ZNF793: variants seen among roughly 807,000 people sequenced by gnomAD.
ZNF793 encodes the protein zinc finger protein 793.
ZNF793 carries 5 observed loss-of-function variants against 12.4 expected under a neutral mutation model. That is an observed-to-expected ratio of 0.40 (90% CI 0.21 to 0.84). The LOEUF is 0.84. Ranked by LOEUF, ZNF793 falls within the 40% of genes least tolerant of loss-of-function variation. ZNF793 has a pLI of 0.35. For missense variants in ZNF793, 456 were observed against 495.0 expected (o/e 0.92, Z 0.75); for synonymous variants, 162 against 172.4 (o/e 0.94, Z 0.47).
At position 37,532,375 on chromosome 19, in the gene ZNF793, A is replaced by C; in HGVS notation, c.35A>C (p.Asp12Ala). The C allele has an allele frequency of 6.2e-7, 1 of 1,614,036 alleles. No homozygotes were observed. Among genetic ancestry groups the C allele is most frequent in the Non-Finnish European group, 8.5e-7 (1 of 1,179,968 alleles). ...CAACAGATACCTGTGTCATTCAAAG[A>C]TGTGGTTGTGGGCTTCACCCAAGAG... Reference protein sequence around the residue: ...IEYQIPVSFKDVVVGFTQEEW... With the variant: ...IEYQIPVSFKAVVVGFTQEEW... Residue 12 changes from aspartate (D) to alanine (A), a missense_variant, in exon 6 of 8, where the codon GAT (aspartate) becomes GCT (alanine). Asp to Ala is a moderately radical substitution (Grantham distance 126). Transcript: ENST00000627814.
intron 5 of ZNF793, 55 bp downstream of exon 5, chr19:37,523,509 G>GA: frequency 3.2e-6 from 5 of 1,539,686 alleles, no homozygotes; most frequent in Non-Finnish European, 4.5e-6. Flanking sequence ...TGTCCTAGAG[G>GA]AAAAAAAGGG....
upstream of ZNF793, chr19:37,506,808 G>A (rs536389498): frequency 1.3e-5 from 2 of 152,230 alleles, no homozygotes; most frequent in Non-Finnish European, 2.9e-5. Context: ...GGCCGCCCCA[G>A]GTAGGAGTCA....
rs2042555571 is a variant in ZNF793 at position 37,542,076 on chromosome 19, A to G, written c.*4197A>G. 6.5e-6 allele frequency: 1 copy of G among 153,598 alleles called. No homozygotes were observed. The highest frequency in any genetic ancestry group is 6.4e-5 in the Admixed American group (1 of 15,604). The allele number at this position is 153,598 out of a possible 1,614,324, so 9.5% of individuals were successfully genotyped here. A position where few individuals can be genotyped will look rare whatever the true frequency, so the allele number is the denominator to read the frequency against. ...GAAATAAATTTTGAAAAACAATGCA[A>G]ATTACTGTTTTGGAAAGAAATCTGG... On this transcript the variant is annotated 3_prime_UTR_variant, in exon 8 of 8. Coordinates refer to ENST00000627814, the MANE Select transcript of ZNF793 (RefSeq NM_001013659.3).
chr19:37,537,566 G>A lies in ZNF793; in HGVS notation c.908G>A (p.Arg303Lys). Reference sequence around the variant, plus strand: ...AAGTCACACCGCACAGAACATCAGAGAACACACACAGGAGAGAGACCCTTT... The same window carrying A: ...AAGTCACACCGCACAGAACATCAGAAAACACACACAGGAGAGAGACCCTTT... ...TQKSHRTEHQ[R>K]THTGERPFVC... Residue 303 changes from arginine to lysine, a missense_variant, in exon 8 of 8, where the codon AGA (arginine) becomes AAA (lysine). Transcript: ENST00000627814. The A allele has an allele frequency of 1.2e-6, 2 of 1,614,158 alleles. No homozygotes were observed. Among genetic ancestry groups the A allele is most frequent in the South Asian group, 2.2e-5 (2 of 91,080 alleles).
In ZNF793 at chr19:37,514,284, A is replaced by G. The variant is rs778821392; in HGVS notation, c.-276+5881A>G. 4.5e-4 allele frequency among the ~76,000 whole-genome samples: 68 copies of G among 152,232 alleles called. 1 individual carries two copies. Among genetic ancestry groups the G allele is most frequent in the Admixed American group, 3.3e-3 (50 of 15,282 alleles). On this transcript the variant is annotated intron_variant, in intron 2 of 7. Coordinates refer to ENST00000627814, the MANE Select transcript of ZNF793 (RefSeq NM_001013659.3). ...TGTCCACCATCTCAACTATCAGGTT[A>G]GATAGGTCAATTGGTGATTTCTTAT... is the stretch of plus-strand genomic sequence containing the variant.
intron 5 of ZNF793, among the ~76,000 whole-genome samples, chr19:37,528,213 A>C (rs1395582799): frequency 6.6e-6 from 1 of 152,070 alleles, no homozygotes; most frequent in African/African-American, 2.4e-5. Context: ...CACACATAGA[A>C]CTTCTGTCCT....
chr19:37,519,136 G>T (rs1385511246), intron 2 of ZNF793, among the ~76,000 whole-genome samples: 3 of 152,052 alleles, frequency 2.0e-5, no homozygotes, highest in Non-Finnish European at 4.4e-5. Context: ...CGTGGTGGCA[G>T]GTGCCTGTAG....
intron 2 of ZNF793, among the ~76,000 whole-genome samples, chr19:37,512,469 C>G (rs1030748697): frequency 6.6e-6 from 1 of 152,010 alleles, no homozygotes; most frequent in Non-Finnish European, 1.5e-5. Context: ...GAGCCGAGAT[C>G]ACGCCACTAC....
Position 37,532,417 on chromosome 19 carries a change from G to A in ZNF793, c.77G>A (p.Ser26Asn). The change falls in exon 6 of 8, where the codon AGT (serine) becomes AAT (asparagine). Residue 26 changes from serine to asparagine, a missense_variant. Physicochemically the swap from Ser to Asn is conservative, Grantham distance 46. Coordinates refer to ENST00000627814, the MANE Select transcript of ZNF793 (RefSeq NM_001013659.3). ...ACCCAAGAGGAGTGGCACCGGCTGAGTCCTGCTCAGAGGGCCCTGTACCGG... is the reference window on the plus strand; with the variant it reads ...ACCCAAGAGGAGTGGCACCGGCTGAATCCTGCTCAGAGGGCCCTGTACCGG... Reference protein sequence around the residue: ...GFTQEEWHRLSPAQRALYRDV... With the variant: ...GFTQEEWHRLNPAQRALYRDV... The A allele has an allele frequency of 1.2e-6, 2 of 1,614,148 alleles. No individual in the cohort carries two copies. Among genetic ancestry groups the A allele is most frequent in the Non-Finnish European group, 1.7e-6 (2 of 1,180,004 alleles).
intron 2 of ZNF793, among the ~76,000 whole-genome samples, chr19:37,516,546 A>G (rs1264235153): frequency 6.6e-6 from 1 of 152,170 alleles, no homozygotes; most frequent in Non-Finnish European, 1.5e-5. Context: ...GTAAGTCACA[A>G]TCACGTCACA....
intron 5 of ZNF793, 42 bp downstream of exon 5, chr19:37,523,496 A>T: frequency 6.2e-7 from 1 of 1,601,032 alleles, no homozygotes; most frequent in Non-Finnish European, 8.6e-7. Flanking sequence ...TTCCTGGGGA[A>T]ACTGTCCTAG....
chr19:37,509,834 C>A (rs2042279307), intron 2 of ZNF793, among the ~76,000 whole-genome samples: 1 of 152,164 alleles, frequency 6.6e-6, no homozygotes, highest in Admixed American at 6.5e-5. Context: ...GATCAGAAAA[C>A]AACATTCTAG....
At position 37,527,614 on chromosome 19, in the gene ZNF793, A is replaced by G. The variant is rs553057785; in HGVS notation, c.15+4160A>G. Reference sequence around the variant, plus strand: ...GCTGAGCTGATATTTGAACTCAGGCAGTCCAGCCCCAATCCACTGCTTTGC... The same window carrying G: ...GCTGAGCTGATATTTGAACTCAGGCGGTCCAGCCCCAATCCACTGCTTTGC... On this transcript the variant is annotated intron_variant, in intron 5 of 7. Transcript: ENST00000627814. Among the ~76,000 whole-genome samples the G allele has an allele frequency of 2.2e-4, 33 of 152,332 alleles. No homozygotes were observed. The East Asian group carries it at 4.8e-3, about 22-fold the overall frequency.
rs369553695 is a variant in ZNF793, at chr19:37,532,337, G to A, written c.16-19G>A. On this transcript the variant is annotated intron_variant, in intron 5 of 7. Coordinates refer to ENST00000627814, the MANE Select transcript of ZNF793 (RefSeq NM_001013659.3). ...ACATTTTTTTTCGACATGACTCAAT[G>A]TCATTTTTGTTTCAACAGATACCTG... 1.3e-4 allele frequency: 207 copies of A among 1,609,966 alleles called. 2 individuals carry two copies. In the South Asian group the frequency reaches 1.5e-3, roughly 12 times the overall value.
rs759877341 is a variant in ZNF793 at position 37,537,909 on chromosome 19, GA to G, written c.*32del. Reference sequence around the variant, plus strand: ...AATATCTGGTTTCATGGTATGTAGGGAATTTTTTTTTTTTTTTTTTGAGTTG... The same window carrying G: ...AATATCTGGTTTCATGGTATGTAGGGATTTTTTTTTTTTTTTTTTGAGTTG... On this transcript the variant is annotated 3_prime_UTR_variant, in exon 8 of 8. Coordinates refer to ENST00000627814, the MANE Select transcript of ZNF793 (RefSeq NM_001013659.3). 13 of 1,463,078 alleles carry G rather than the reference GA, an allele frequency of 8.9e-6. No individual in the cohort carries two copies. The highest frequency in any genetic ancestry group is 2.8e-5 in the South Asian group (2 of 70,302). 90.6% of individuals were successfully genotyped at this position (1,463,078 alleles called of 1,614,324 possible).
At chr19:37,532,869 A>T (rs749603129) in intron 6 of ZNF793, among the ~76,000 whole-genome samples, 1 of 152,204 alleles carries the variant, frequency 6.6e-6, no homozygotes, top group African/African-American at 2.4e-5. Flanking sequence ...AACTTCTGAA[A>T]TATTTATTTA....
chr19:37,513,613 CCAGA>C (rs1271513693), intron 2 of ZNF793, among the ~76,000 whole-genome samples: 2 of 152,148 alleles, frequency 1.3e-5, no homozygotes, highest in Non-Finnish European at 2.9e-5. Flanking sequence ...CCACTCTGGG[CCAGA>C]CAGATTTCTG....
intron 2 of ZNF793, among the ~76,000 whole-genome samples, chr19:37,509,687 C>A (rs1319109953): frequency 6.6e-6 from 1 of 152,166 alleles, no homozygotes; most frequent in Non-Finnish European, 1.5e-5. Context: ...CTATACTGTG[C>A]TCAGTGCCAG....
rs556742270 is a variant in ZNF793 at position 37,522,351 on chromosome 19, G to A, written c.-146-181G>A. Among the ~76,000 whole-genome samples the A allele has an allele frequency of 3.9e-5, 6 of 151,988 alleles. No individual in the cohort carries two copies. The East Asian group carries it at 1.2e-3, about 29-fold the overall frequency. ...TAGCTGGGATTACAGGTGCCTGCCA[G>A]CACACCCGGCAAATTTTTGTATTTT... On this transcript the variant is annotated intron_variant, in intron 3 of 7. Transcript: ENST00000627814.
Sources: gnomAD v4.1 joint callset for allele counts (sites outside exome capture counted in the v4.1 genomes callset) on GRCh38, gnomAD v4.1.1 for gene constraint, MANE v1.5 for transcripts, NCBI Gene and HGNC (gene_info 2026-07-23, HGNC 2026-07-21) for gene names.